The following ZNF740 variants were observed in gnomAD, a reference collection of about 807,000 sequenced individuals.
ZNF740 encodes oriLyt TD-element-binding protein 7.
A neutral mutation model predicts 24.8 loss-of-function variants in ZNF740; 14 were observed. That is an observed-to-expected ratio of 0.56 (90% CI 0.37 to 0.88). ZNF740 has a LOEUF of 0.88. Ranked by LOEUF, ZNF740 falls within the 40% of genes least tolerant of loss-of-function variation. The pLI, the probability that ZNF740 is intolerant of heterozygous loss-of-function variation, is 0.00. For missense variants in ZNF740, 201 were observed against 247.9 expected (o/e 0.81, Z 1.27); for synonymous variants, 69 against 84.0 (o/e 0.82, Z 0.98).
At position 53,193,572 on chromosome 12, in the gene ZNF740, CAAGGGATGAAACTGAGTGGGGAGTCGGGA is replaced by C. The variant is rs1365891349; in HGVS notation, c.*5983_*6011del. On this transcript the variant is annotated 3_prime_UTR_variant, in exon 7 of 7. Transcript: ENST00000416904. ...GGGCCTGGACATACATGGGAAGCTTCAAGGGATGAAACTGAGTGGGGAGTCGGGATGTCGAGGAGACTCCTGTGGGGGGG... is the reference window on the plus strand; with the variant it reads ...GGGCCTGGACATACATGGGAAGCTTCTGTCGAGGAGACTCCTGTGGGGGGG... 48 of 851,752 alleles carry C rather than the reference CAAGGGATGAAACTGAGTGGGGAGTCGGGA, an allele frequency of 5.6e-5. No homozygotes were observed. The highest frequency in any genetic ancestry group is 1.7e-5 in the African/African-American group (1 of 57,896). 52.8% of individuals were successfully genotyped at this position (851,752 alleles called of 1,614,324 possible).
intron 6 of ZNF740, 174 bp downstream of exon 6, chr12:53,186,683 A>G: frequency 1.8e-6 from 1 of 547,734 alleles, no homozygotes; most frequent in Non-Finnish European, 3.3e-6. Context: ...GGGGAGCAGC[A>G]ATTAGAACAT....
At chr12:53,184,744 G>A (rs1476575535) in intron 2 of ZNF740, 147 bp from the exon 3 acceptor site, 10 of 896,960 alleles carry the variant, frequency 1.1e-5, no homozygotes, top group African/African-American at 1.7e-5. Context: ...GACTCTTGAA[G>A]GAAGCAAGGC....
At chr12:53,181,110 G>A in intron 1 of ZNF740, 4 of 950,878 alleles carry the variant, frequency 4.2e-6, no homozygotes, top group Non-Finnish European at 5.0e-6. Flanking sequence ...GCACTCTCCG[G>A]CTCTGCTCCC....
Position 53,194,525 on chromosome 12 carries a change from A to G in ZNF740, c.*6935A>G. ...AGGACCCGTGAGAACCTTGCATAGAACATACAGGATCCAGAGGCCTCTAAT... is the reference window on the plus strand; with the variant it reads ...AGGACCCGTGAGAACCTTGCATAGAGCATACAGGATCCAGAGGCCTCTAAT... On this transcript the variant is annotated 3_prime_UTR_variant, in exon 7 of 7. Coordinates refer to ENST00000416904, the MANE Select transcript of ZNF740 (RefSeq NM_001004304.4). 1.7e-6 allele frequency: 1 copy of G among 590,948 alleles called. No homozygotes were observed. Among genetic ancestry groups the G allele is most frequent in the Non-Finnish European group, 3.0e-6 (1 of 334,138 alleles). The allele number at this position is 590,948 out of a possible 1,614,324, so 36.6% of individuals were successfully genotyped here.
Position 53,181,818 on chromosome 12 carries a change from C to T in ZNF740, c.-166C>T, listed in dbSNP as rs1941655880. On this transcript the variant is annotated 5_prime_UTR_variant, in exon 2 of 7. Transcript: ENST00000416904. ...GAACACCTATCTTTTCTTCGGAGGA[C>T]ACTAAGTTCTATTTGAAGACAAAGT... 5 of 829,822 alleles carry T rather than the reference C, an allele frequency of 6.0e-6. No homozygotes were observed. Among genetic ancestry groups the T allele is most frequent in the Admixed American group, 2.7e-5 (1 of 36,650 alleles). The allele number at this position is 829,822 out of a possible 1,614,324, so 51.4% of individuals were successfully genotyped here.
Position 53,192,223 on chromosome 12 carries a change from T to C in ZNF740, c.*4633T>C. The stretch of plus-strand genomic sequence containing the variant: ...CTCTGCCTTTGTCCTGGATTCACAG[T>C]TCTGCTTCAGCCCCCAGCCTGTTTC... On this transcript the variant is annotated 3_prime_UTR_variant, in exon 7 of 7. Transcript: ENST00000416904. The C allele has an allele frequency of 7.6e-7, 1 of 1,313,448 alleles. No homozygotes were observed. 81.4% of individuals were successfully genotyped at this position (1,313,448 alleles called of 1,614,324 possible).
At position 53,194,078 on chromosome 12, in the gene ZNF740, G is replaced by A; in HGVS notation, c.*6488G>A. On this transcript the variant is annotated 3_prime_UTR_variant, in exon 7 of 7. Transcript: ENST00000416904. Reference sequence around the variant, plus strand: ...CAGACTGCTCCAGGAAGGATGGATGGAGGACTACCTCAGGCTCTCATGTCA... The same window carrying A: ...CAGACTGCTCCAGGAAGGATGGATGAAGGACTACCTCAGGCTCTCATGTCA... 1.4e-6 allele frequency: 2 copies of A among 1,448,108 alleles called. No individual in the cohort carries two copies. Among genetic ancestry groups the A allele is most frequent in the Non-Finnish European group, 1.9e-6 (2 of 1,047,846 alleles). 89.7% of individuals were successfully genotyped at this position (1,448,108 alleles called of 1,614,324 possible). A position where few individuals can be genotyped will look rare whatever the true frequency, so the allele number is the denominator to read the frequency against.
chr12:53,187,467 C>T (rs879154849), intron 6 of ZNF740, 34 bp from the exon 7 acceptor site: 1 of 1,591,688 alleles, frequency 6.3e-7, no homozygotes, highest in South Asian at 1.1e-5. Context: ...CTGCGTTTGT[C>T]TGCTCAGGCA....
rs2121528923 is a variant in ZNF740, at chr12:53,186,269, TCCC to T, written c.374-120_374-118del. 14 of 1,157,450 alleles carry T rather than the reference TCCC, an allele frequency of 1.2e-5. No individual in the cohort carries two copies. The South Asian group carries it at 2.1e-4, about 18-fold the overall frequency. The allele number at this position is 1,157,450 out of a possible 1,614,324, so 71.7% of individuals were successfully genotyped here. A position where few individuals can be genotyped will look rare whatever the true frequency, so the allele number is the denominator to read the frequency against. On this transcript the variant is annotated intron_variant, in intron 5 of 6. Transcript: ENST00000416904. ...TGAGACCAGCACCTTTGGGGACCTC[TCCC>T]CATTTATGATCACTTAGGTGTCTAC...
In ZNF740 at chr12:53,188,383, T is replaced by G. The variant is rs1282316975; in HGVS notation, c.*793T>G. On this transcript the variant is annotated 3_prime_UTR_variant, in exon 7 of 7. Coordinates refer to ENST00000416904, the MANE Select transcript of ZNF740 (RefSeq NM_001004304.4). The stretch of plus-strand genomic sequence containing the variant: ...CTTTAGGAGGAAACTTGGGTGAGAG[T>G]GGCCCATGAAGCCCTTTTCTTCTTT... The G allele has an allele frequency of 6.6e-6, 1 of 152,460 alleles. No individual in the cohort carries two copies. Among genetic ancestry groups the G allele is most frequent in the East Asian group, 1.9e-4 (1 of 5,194 alleles). 9.4% of individuals were successfully genotyped at this position (152,460 alleles called of 1,614,324 possible).
Position 53,180,834 on chromosome 12 carries a change from G to A in ZNF740, c.-311G>A. 2 of 1,271,262 alleles carry A rather than the reference G, an allele frequency of 1.6e-6. No homozygotes were observed. The highest frequency in any genetic ancestry group is 6.5e-5 in the East Asian group (1 of 15,346). The allele number at this position is 1,271,262 out of a possible 1,614,324, so 78.7% of individuals were successfully genotyped here. On this transcript the variant is annotated 5_prime_UTR_variant, in exon 1 of 7. Coordinates refer to ENST00000416904, the MANE Select transcript of ZNF740 (RefSeq NM_001004304.4). ...GGGAGCCAGCGGGAGGCCGCGCCTGGCAGGTAGGAGCAAGCCCCAAAGACC... is the reference window on the plus strand; with the variant it reads ...GGGAGCCAGCGGGAGGCCGCGCCTGACAGGTAGGAGCAAGCCCCAAAGACC...
Position 53,194,454 on chromosome 12 carries a change from A to AGCAC in ZNF740, c.*6864_*6865insGCAC. On this transcript the variant is annotated 3_prime_UTR_variant, in exon 7 of 7. Transcript: ENST00000416904. ...TTCTGCCAGCACCCTGCCCTCTGCC[A>AGCAC]CCTGGGGCTCCTTCCATTCTGCCCA... 1 of 1,076,182 alleles carries AGCAC rather than the reference A, an allele frequency of 9.3e-7. No homozygotes were observed. The highest frequency in any genetic ancestry group is 1.4e-6 in the Non-Finnish European group (1 of 735,874). 66.7% of individuals were successfully genotyped at this position (1,076,182 alleles called of 1,614,324 possible). A position where few individuals can be genotyped will look rare whatever the true frequency, so the allele number is the denominator to read the frequency against.
rs768385002 is a variant in ZNF740 at position 53,193,388 on chromosome 12, A to G, written c.*5798A>G. On this transcript the variant is annotated 3_prime_UTR_variant, in exon 7 of 7. Transcript: ENST00000416904. The stretch of plus-strand genomic sequence containing the variant: ...GCTGGAAGGGGAAGGCAAAGGAGAG[A>G]AGTAGGTCAGAGGGTTTGATCACCC... 2 of 1,514,516 alleles carry G rather than the reference A, an allele frequency of 1.3e-6. No individual in the cohort carries two copies. The allele number at this position is 1,514,516 out of a possible 1,614,324, so 93.8% of individuals were successfully genotyped here.
At chr12:53,187,399 G>T in intron 6 of ZNF740, 102 bp from the exon 7 acceptor site, 1 of 926,878 alleles carries the variant, frequency 1.1e-6, no homozygotes, top group Non-Finnish European at 1.7e-6. Flanking sequence ...CACGTGCTGA[G>T]GGGATGGAGA....
At chr12:53,186,880 A>G (rs571406930) in intron 6 of ZNF740, 6 of 193,850 alleles carry the variant, frequency 3.1e-5, no homozygotes, top group Non-Finnish European at 5.5e-5. Flanking sequence ...ACCGCAGATC[A>G]CGAACAGAGC....
In ZNF740 at chr12:53,192,967, C is replaced by T; in HGVS notation, c.*5377C>T. 1.3e-6 allele frequency: 2 copies of T among 1,550,416 alleles called. No individual in the cohort carries two copies. Among genetic ancestry groups the T allele is most frequent in the Non-Finnish European group, 1.8e-6 (2 of 1,126,692 alleles). On this transcript the variant is annotated 3_prime_UTR_variant, in exon 7 of 7. Coordinates refer to ENST00000416904, the MANE Select transcript of ZNF740 (RefSeq NM_001004304.4). The stretch of plus-strand genomic sequence containing the variant: ...ATACTCCACACACACAGTTGGCCAT[C>T]ATGTGGCACGACAAGCCCACGCATC...
In ZNF740 at chr12:53,191,948, C is replaced by T; in HGVS notation, c.*4358C>T. The T allele has an allele frequency of 6.2e-7, 1 of 1,611,604 alleles. No individual in the cohort carries two copies. Among genetic ancestry groups the T allele is most frequent in the Non-Finnish European group, 8.5e-7 (1 of 1,179,982 alleles). ...TCCACCGAGAGCCGGTAAGCCAGGACCAGCCCCAGCCCCACTGCCACGATG... is the reference window on the plus strand; with the variant it reads ...TCCACCGAGAGCCGGTAAGCCAGGATCAGCCCCAGCCCCACTGCCACGATG... On this transcript the variant is annotated 3_prime_UTR_variant, in exon 7 of 7. Transcript: ENST00000416904.
chr12:53,184,808 A>G (rs956558155), intron 2 of ZNF740, 83 bp from the exon 3 acceptor site: 12 of 1,489,232 alleles, frequency 8.1e-6, no homozygotes, highest in African/African-American at 2.8e-5. Flanking sequence ...AGCAGGGTGT[A>G]AAAGGTAGTT....
intron 5 of ZNF740, 126 bp from the exon 6 acceptor site, chr12:53,186,265 C>T: frequency 8.8e-7 from 1 of 1,132,416 alleles, no homozygotes; most frequent in Non-Finnish European, 1.3e-6. Context: ...CCTTTGGGGA[C>T]CTCTCCCCAT....
Sources: gnomAD v4.1 joint callset for allele counts on GRCh38, gnomAD v4.1.1 for gene constraint, MANE v1.5 for transcripts, NCBI Gene and HGNC (gene_info 2026-07-23, HGNC 2026-07-21) for gene names.